IQCH: variants seen among roughly 807,000 people sequenced by gnomAD.
The protein encoded by IQCH is IQ motif containing H, also known as IQ domain-containing protein H.
Under a neutral mutation model 117.0 loss-of-function variants are expected in IQCH, and 98 were observed. That is an observed-to-expected ratio of 0.84 (90% CI 0.71 to 0.99). The LOEUF is 0.99. Among genes scored for constraint, IQCH ranks in the 50% least tolerant of loss-of-function variants. The pLI, the probability that IQCH is intolerant of heterozygous loss-of-function variation, is 0.00. For missense variants in IQCH, 1,102 were observed against 1,243.8 expected (o/e 0.89, Z 1.72); for synonymous variants, 412 against 448.2 (o/e 0.92, Z 1.02).
At chr15:67,262,884 A>C (rs1229859183) in intron 2 of IQCH, among the ~76,000 whole-genome samples, 3 of 152,140 alleles carry the variant, frequency 2.0e-5, no homozygotes, top group African/African-American at 7.2e-5. Context: ...CCTACTAAAA[A>C]AAAAACAAAA....
chr15:67,442,487 T>G (rs1176768250), intron 16 of IQCH, among the ~76,000 whole-genome samples: 1 of 151,786 alleles, frequency 6.6e-6, no homozygotes, highest in African/African-American at 2.4e-5. Flanking sequence ...CAATACCACC[T>G]TACTCCTGCA....
chr15:67,306,592 T>G lies in IQCH; in HGVS notation c.387+27080T>G, dbSNP rs117474131. On this transcript the variant is annotated intron_variant, in intron 4 of 20. Transcript: ENST00000335894. Reference sequence around the variant, plus strand: ...TTCTCCATCTTATGAAGTGGTGTATTCCTCCTGATAATAAGAGGCTGATGC... The same window carrying G: ...TTCTCCATCTTATGAAGTGGTGTATGCCTCCTGATAATAAGAGGCTGATGC... Among the ~76,000 whole-genome samples the G allele has an allele frequency of 6.8e-4, 103 of 152,248 alleles. 4 individuals are homozygous for G. In the East Asian group the frequency reaches 0.012, roughly 17 times the overall value.
At chr15:67,470,043 G>A (rs1467836864) in intron 17 of IQCH, among the ~76,000 whole-genome samples, 1 of 152,230 alleles carries the variant, frequency 6.6e-6, no homozygotes. Flanking sequence ...TGTGTGACGA[G>A]GTTGTCTCCA....
chr15:67,318,444 A>G (rs1319263632), intron 4 of IQCH, among the ~76,000 whole-genome samples: 1 of 152,240 alleles, frequency 6.6e-6, no homozygotes, highest in East Asian at 1.9e-4. Flanking sequence ...GAAAATGTTT[A>G]TAAGTATGCC....
chr15:67,283,524 GT>G (rs201227284), intron 4 of IQCH, among the ~76,000 whole-genome samples: 22 of 149,908 alleles, frequency 1.5e-4, no homozygotes, highest in Non-Finnish European at 2.5e-4. Flanking sequence ...ATATTTCTGA[GT>G]TTTTTTTTTC....
At chr15:67,301,537 G>A (rs574656585) in intron 4 of IQCH, among the ~76,000 whole-genome samples, 53 of 146,346 alleles carry the variant, frequency 3.6e-4, no homozygotes, top group South Asian at 6.8e-4. Context: ...AGCCTCTCAA[G>A]TAGCTGGGAC....
Position 67,501,338 on chromosome 15 carries a change from C to T in IQCH, c.*592C>T, listed in dbSNP as rs559811794. ...CCATTTTTCAAAAAGTAGGATAAGC[C>T]AGCATCTAGTTAACCAAAGCATCAG... On this transcript the variant is annotated 3_prime_UTR_variant, in exon 21 of 21. Transcript: ENST00000335894. The surrounding 1 kb of genome is among the most constrained non-coding windows in gnomAD (Gnocchi z 5.2). The T allele has an allele frequency of 2.0e-5, 3 of 152,234 alleles. No homozygotes were observed. The highest frequency in any genetic ancestry group is 7.2e-5 in the African/African-American group (3 of 41,568). 9.4% of individuals were successfully genotyped at this position (152,234 alleles called of 1,614,324 possible). A position where few individuals can be genotyped will look rare whatever the true frequency, so the allele number is the denominator to read the frequency against.
rs12914795 is a variant in IQCH at position 67,472,722 on chromosome 15, C to T, written c.2677-2974C>T. Among the ~76,000 whole-genome samples, 130,847 of 152,056 alleles carry T rather than the reference C, an allele frequency of 0.86. 56,359 individuals carry two copies. Among genetic ancestry groups the T allele is most frequent in the Middle Eastern group, 0.89 (260 of 292 alleles). On this transcript the variant is annotated intron_variant, in intron 17 of 20. Transcript: ENST00000335894. The surrounding 1 kb of genome is among the most constrained non-coding windows in gnomAD (Gnocchi z 4.3). ...TCTTTCTCACTCCATATAACCTTTC[C>T]ACTGCAGAATTCTGCTTGTATCCTC...
intron 14 of IQCH, among the ~76,000 whole-genome samples, chr15:67,402,976 G>T (rs1971725754): frequency 6.6e-6 from 1 of 152,182 alleles, no homozygotes; most frequent in East Asian, 1.9e-4. Context: ...GGCCGGGCAT[G>T]GTGGCTCATG....
intron 4 of IQCH, among the ~76,000 whole-genome samples, chr15:67,319,289 C>A (rs1467010692): frequency 2.0e-5 from 3 of 152,062 alleles, no homozygotes; most frequent in Admixed American, 6.5e-5. Context: ...TATTGACAAT[C>A]CTCATTACAA....
Position 67,365,282 on chromosome 15 carries a change from G to A in IQCH, c.753+5397G>A, listed in dbSNP as rs1457052464. Among the ~76,000 whole-genome samples, 1 of 152,124 alleles carries A rather than the reference G, an allele frequency of 6.6e-6. No homozygotes were observed. The highest frequency in any genetic ancestry group is 1.5e-5 in the Non-Finnish European group (1 of 68,026). ...TTGATCAAAGGGTATGGACATTTTT[G>A]TATCTCAGTAGCCAAACTTTGCATT... On this transcript the variant is annotated intron_variant, in intron 8 of 20. Coordinates refer to ENST00000335894, the MANE Select transcript of IQCH (RefSeq NM_001031715.3). The surrounding 1 kb of genome is among the most constrained non-coding windows in gnomAD (Gnocchi z 4.4).
In IQCH at chr15:67,364,555, A is replaced by G. The variant is rs929839112; in HGVS notation, c.753+4670A>G. Among the ~76,000 whole-genome samples the G allele has an allele frequency of 6.6e-6, 1 of 152,198 alleles. No homozygotes were observed. Among genetic ancestry groups the G allele is most frequent in the African/African-American group, 2.4e-5 (1 of 41,458 alleles). On this transcript the variant is annotated intron_variant, in intron 8 of 20. Transcript: ENST00000335894. The surrounding 1 kb of genome is among the most constrained non-coding windows in gnomAD (Gnocchi z 4.1). ...TGATTAATAATTTTGCTTATATACA[A>G]CAGAAAAAAGGTTAAATTATCAGCC...
intron 4 of IQCH, among the ~76,000 whole-genome samples, chr15:67,318,744 A>C (rs568012415): frequency 1.3e-5 from 2 of 152,370 alleles, no homozygotes; most frequent in Admixed American, 1.3e-4. Flanking sequence ...AGTGTAAGAA[A>C]TAACTTGGAA....
Position 67,388,686 on chromosome 15 carries a change from A to G in IQCH, c.1457-145A>G, listed in dbSNP as rs1971184385. 4 of 611,690 alleles carry G rather than the reference A, an allele frequency of 6.5e-6. No homozygotes were observed. Among genetic ancestry groups the G allele is most frequent in the Non-Finnish European group, 8.3e-6 (3 of 362,162 alleles). 37.9% of individuals were successfully genotyped at this position (611,690 alleles called of 1,614,324 possible). Reference sequence around the variant, plus strand: ...TAAAAAAGCCAGTTAGATTGCTCAGATAGTACAAAACCAAACTAAATTAAC... The same window carrying G: ...TAAAAAAGCCAGTTAGATTGCTCAGGTAGTACAAAACCAAACTAAATTAAC... On this transcript the variant is annotated intron_variant, in intron 11 of 20. Transcript: ENST00000335894. This position sits in a 1 kb window ranked among gnomAD's most constrained non-coding sequence, Gnocchi z 5.5.
chr15:67,428,240 G>A (rs1479789374), intron 16 of IQCH, among the ~76,000 whole-genome samples: 1 of 151,900 alleles, frequency 6.6e-6, no homozygotes, highest in Non-Finnish European at 1.5e-5. Flanking sequence ...TTATAGAATA[G>A]ATAAAGGTAA....
chr15:67,493,139 G>A lies in IQCH; in HGVS notation c.2862-1119G>A, dbSNP rs2083705754. Among the ~76,000 whole-genome samples the A allele has an allele frequency of 6.6e-6, 1 of 152,192 alleles. No homozygotes were observed. The highest frequency in any genetic ancestry group is 2.1e-4 in the South Asian group (1 of 4,830). On this transcript the variant is annotated intron_variant, in intron 19 of 20. Coordinates refer to ENST00000335894, the MANE Select transcript of IQCH (RefSeq NM_001031715.3). The surrounding 1 kb of genome is among the most constrained non-coding windows in gnomAD (Gnocchi z 5.1). The stretch of plus-strand genomic sequence containing the variant: ...GACATGGACCTCTCGAAAGCCTTTA[G>A]TCCTTTTCTACTGTTTTCTGCCCAT...
In IQCH at chr15:67,421,578, G is replaced by A; in HGVS notation, c.2505+1G>A. The A allele has an allele frequency of 6.2e-7, 1 of 1,613,910 alleles. No homozygotes were observed. The highest frequency in any genetic ancestry group is 1.1e-5 in the South Asian group (1 of 91,070). On this transcript the variant is annotated splice_donor_variant, in intron 16 of 20. Coordinates refer to ENST00000335894, the MANE Select transcript of IQCH (RefSeq NM_001031715.3). LOFTEE classifies it high-confidence loss of function. Reference sequence around the variant, plus strand: ...AGATCCAAGCACCTTGGAACAACAGGTAAGTTGAATGGATGCCATACGAAA... The same window carrying A: ...AGATCCAAGCACCTTGGAACAACAGATAAGTTGAATGGATGCCATACGAAA...
intron 4 of IQCH, among the ~76,000 whole-genome samples, chr15:67,300,432 A>T (rs1966968532): frequency 6.6e-6 from 1 of 152,204 alleles, no homozygotes; most frequent in African/African-American, 2.4e-5. Flanking sequence ...TACAGCTCAA[A>T]TCAGGACTTG....
chr15:67,255,985 A>C (rs1292240707), intron 1 of IQCH, among the ~76,000 whole-genome samples: 2 of 152,148 alleles, frequency 1.3e-5, no homozygotes, highest in South Asian at 2.1e-4. Context: ...CCCTAACTTC[A>C]ACACTCACTA....
Sources: allele counts gnomAD v4.1 joint callset (sites outside exome capture counted in the v4.1 genomes callset), GRCh38; gene constraint gnomAD v4.1.1; non-coding constraint Gnocchi (gnomAD v3.1); transcripts MANE v1.5; gene names NCBI Gene and HGNC (gene_info 2026-07-23, HGNC 2026-07-21).